The following MOSPD2 variants were observed in gnomAD, a reference collection of about 807,000 sequenced individuals.
The protein encoded by MOSPD2 is motile sperm domain-containing protein 2.
In MOSPD2, 5 loss-of-function variants were observed where a neutral mutation model predicts 41.7. The observed-to-expected ratio is 0.12, with a 90% confidence interval of 0.06 to 0.25. The LOEUF is 0.25. Ranked by LOEUF, MOSPD2 falls within the 10% of genes least tolerant of loss-of-function variation. The pLI is 1.00. For synonymous variants in MOSPD2, 115 were observed against 126.9 expected (o/e 0.91, Z 0.63); for missense variants, 282 against 375.2 (o/e 0.75, Z 2.05).
chrX:14,894,692 A>C (rs1313640026), intron 3 of MOSPD2, among the ~76,000 whole-genome samples: 3 of 110,507 alleles, frequency 2.7e-5, no homozygotes, highest in African/African-American at 9.9e-5. Context: ...CCTGGCCTCA[A>C]ATGATACTCC....
Position 14,873,457 on chromosome X carries a change from T to A in MOSPD2, c.-72T>A. The A allele has an allele frequency of 8.3e-7, 1 of 1,201,601 alleles. No individual in the cohort carries two copies. Among genetic ancestry groups the A allele is most frequent in the Non-Finnish European group, 1.1e-6 (1 of 886,944 alleles). On this transcript the variant is annotated 5_prime_UTR_variant, in exon 1 of 15. Coordinates refer to ENST00000380492, the MANE Select transcript of MOSPD2 (RefSeq NM_152581.4). ...TCTACCTCTGGGCGGGACTGCCGGG[T>A]GATGAGATACTCGGTCGGCGACGGT...
chrX:14,887,993 G>A (rs1239139998), intron 2 of MOSPD2, among the ~76,000 whole-genome samples: 1 of 110,397 alleles, frequency 9.1e-6, no homozygotes, highest in Non-Finnish European at 1.9e-5. Flanking sequence ...TAGTAGAAAG[G>A]GCCAATGAAC....
intron 6 of MOSPD2, among the ~76,000 whole-genome samples, chrX:14,901,461 T>A (rs2092573033): frequency 9.0e-6 from 1 of 111,558 alleles, no homozygotes. Flanking sequence ...ATAAAATCCC[T>A]AAATTATCTT....
At chrX:14,899,767 T>G (rs2092569869) in intron 5 of MOSPD2, among the ~76,000 whole-genome samples, 1 of 110,528 alleles carries the variant, frequency 9.0e-6, no homozygotes, top group Non-Finnish European at 1.9e-5. Flanking sequence ...TGTGATGGAT[T>G]TCAGTTTGCT....
chrX:14,892,911 T>C, intron 3 of MOSPD2, 33 bp downstream of exon 3: 1 of 1,064,847 alleles, frequency 9.4e-7, no homozygotes, highest in South Asian at 2.1e-5. Flanking sequence ...GACTGTAATA[T>C]ATACTGTATA....
intron 2 of MOSPD2, among the ~76,000 whole-genome samples, chrX:14,878,294 A>G (rs1041224156): frequency 1.8e-5 from 2 of 111,540 alleles, no homozygotes; most frequent in Non-Finnish European, 3.8e-5. Flanking sequence ...TATGTGCTAA[A>G]CTTCCTCCAT....
rs373081274 is a variant in MOSPD2, at chrX:14,897,288, C to A, written c.477+50C>A. On this transcript the variant is annotated intron_variant, in intron 5 of 14. Transcript: ENST00000380492. ...AATCAGTGTTTATCATGGCTTCCTC[C>A]CTTTCTCCTGTCCTTGCTGCCAACC... is the stretch of plus-strand genomic sequence containing the variant. 3.8e-6 allele frequency: 4 copies of A among 1,040,248 alleles called. No individual in the cohort carries two copies. In the African/African-American group the frequency reaches 7.5e-5, roughly 19 times the overall value. The allele number at this position is 1,040,248 out of a possible 1,213,427, so 85.7% of individuals were successfully genotyped here.
chrX:14,880,018 G>A (rs1194911539), intron 2 of MOSPD2, among the ~76,000 whole-genome samples: 1 of 109,866 alleles, frequency 9.1e-6, no homozygotes, highest in Non-Finnish European at 1.9e-5. Flanking sequence ...TTCAGAATCA[G>A]CTTATGTTTC....
At chrX:14,876,308 A>G (rs1483514091) in intron 2 of MOSPD2, among the ~76,000 whole-genome samples, 1 of 112,215 alleles carries the variant, frequency 8.9e-6, no homozygotes, top group Non-Finnish European at 1.9e-5. Flanking sequence ...TGTCATTAAC[A>G]ATATTTTGTT....
chrX:14,899,271 C>T (rs2092568371), intron 5 of MOSPD2, among the ~76,000 whole-genome samples: 1 of 108,104 alleles, frequency 9.3e-6, no homozygotes, highest in Non-Finnish European at 1.9e-5. Context: ...CTTATCATAT[C>T]CACTTGAATT....
chrX:14,901,981 T>TATAC (rs1555910095), intron 6 of MOSPD2, among the ~76,000 whole-genome samples: 1 of 109,585 alleles, frequency 9.1e-6, no homozygotes, highest in Non-Finnish European at 1.9e-5. Flanking sequence ...TATATATATA[T>TATAC]ACACACACAC....
Position 14,921,682 on chromosome X carries a change from T to A in MOSPD2, c.*1873T>A. On this transcript the variant is annotated 3_prime_UTR_variant, in exon 15 of 15. Transcript: ENST00000380492. ...CAGTTGAATTTAATAACATATCTTG[T>A]TAATGTTTGTGTGTCTATTAAATGT... is the stretch of plus-strand genomic sequence containing the variant. 2 of 201,710 alleles carry A rather than the reference T, an allele frequency of 9.9e-6. No homozygotes were observed. The highest frequency in any genetic ancestry group is 1.8e-5 in the Non-Finnish European group (2 of 109,818). The allele number at this position is 201,710 out of a possible 1,213,427, so 16.6% of individuals were successfully genotyped here. A position where few individuals can be genotyped will look rare whatever the true frequency, so the allele number is the denominator to read the frequency against.
chrX:14,920,620 A>G lies in MOSPD2; in HGVS notation c.*811A>G. The G allele has an allele frequency of 1.3e-6, 1 of 753,262 alleles. No homozygotes were observed. The highest frequency in any genetic ancestry group is 1.6e-6 in the Non-Finnish European group (1 of 638,779). The allele number at this position is 753,262 out of a possible 1,213,427, so 62.1% of individuals were successfully genotyped here. A position where few individuals can be genotyped will look rare whatever the true frequency, so the allele number is the denominator to read the frequency against. Reference sequence around the variant, plus strand: ...AGCTGGACACTGAACCTTTTGCCTAATTTATTATAAAGGCCTGACCCTCTA... The same window carrying G: ...AGCTGGACACTGAACCTTTTGCCTAGTTTATTATAAAGGCCTGACCCTCTA... On this transcript the variant is annotated 3_prime_UTR_variant, in exon 15 of 15. Coordinates refer to ENST00000380492, the MANE Select transcript of MOSPD2 (RefSeq NM_152581.4).
intron 3 of MOSPD2, among the ~76,000 whole-genome samples, 165 bp from the exon 4 acceptor site, chrX:14,895,143 G>C (rs1455752566): frequency 8.9e-6 from 1 of 111,750 alleles, no homozygotes; most frequent in East Asian, 2.8e-4. Flanking sequence ...TTGTTTGCTT[G>C]GTAGGAAGCA....
intron 2 of MOSPD2, among the ~76,000 whole-genome samples, chrX:14,883,947 C>T (rs1339701099): frequency 1.8e-5 from 2 of 110,882 alleles, no homozygotes; most frequent in South Asian, 7.4e-4. Flanking sequence ...TTTAGTGAAA[C>T]CAAAAAACAC....
Position 14,919,774 on chromosome X carries a change from T to A in MOSPD2, c.1522T>A (p.Phe508Ile). 8.3e-7 allele frequency: 1 copy of A among 1,210,372 alleles called. No homozygotes were observed. Among genetic ancestry groups the A allele is most frequent in the African/African-American group, 1.7e-5 (1 of 57,778 alleles). The change falls in exon 15 of 15, where the codon TTT becomes ATT. Residue 508 changes from phenylalanine (F) to isoleucine (I), a missense_variant. By Grantham distance (21) the Phe-to-Ile change is conservative. This residue lies in a region of MOSPD2 where 94 missense variants were observed against 102.1 expected (regional missense o/e 0.92). Coordinates refer to ENST00000380492, the MANE Select transcript of MOSPD2 (RefSeq NM_152581.4). ...TTCCTTAACAATGCTCTTGCTTGCT[T>A]TTGTCACCTCTTTCTTCTATTTATT... ...LLSLTMLLLA[F>I]VTSFFYLLYS
chrX:14,899,286 G>A (rs1455460946), intron 5 of MOSPD2, among the ~76,000 whole-genome samples: 1 of 108,194 alleles, frequency 9.2e-6, no homozygotes, highest in Non-Finnish European at 1.9e-5. Flanking sequence ...TGAATTAGCA[G>A]TAACTCACGA....
intron 6 of MOSPD2, 118 bp from the exon 7 acceptor site, chrX:14,902,848 C>A: frequency 1.9e-6 from 1 of 515,101 alleles, no homozygotes; most frequent in Non-Finnish European, 3.4e-6. Context: ...AATTAGAGCT[C>A]AGACAACAAG....
chrX:14,908,282 A>T (rs2092585741), intron 7 of MOSPD2, among the ~76,000 whole-genome samples: 1 of 111,969 alleles, frequency 8.9e-6, no homozygotes, highest in African/African-American at 3.2e-5. Flanking sequence ...AAAAAATTTA[A>T]AAACCAGTTT....
Sources: gnomAD v4.1 joint callset for allele counts (sites outside exome capture counted in the v4.1 genomes callset) on GRCh38, gnomAD v4.1.1 for gene constraint, gnomAD v4.1.1 regional missense constraint, MANE v1.5 for transcripts, NCBI Gene and HGNC (gene_info 2026-07-23, HGNC 2026-07-21) for gene names.